Variants in PLCG1 observed in about 807,000 individuals in gnomAD.
The protein encoded by PLCG1 is phospholipase C gamma 1.
A neutral mutation model predicts 177.8 loss-of-function variants in PLCG1; 71 were observed. The observed-to-expected ratio is 0.40, with a 90% confidence interval of 0.33 to 0.49. The LOEUF (loss-of-function observed/expected upper bound fraction) is 0.49. Ranked by LOEUF, PLCG1 falls within the 20% of genes least tolerant of loss-of-function variation. The pLI is 0.72. For missense variants in PLCG1, 1,281 were observed against 1,709.0 expected (o/e 0.75, Z 4.42); for synonymous variants, 658 against 647.9 (o/e 1.02, Z -0.24).
rs2035981905 is a variant in PLCG1 at position 41,173,923 on chromosome 20, G to T, written c.3557G>T (p.Gly1186Val). The T allele has an allele frequency of 6.2e-7, 1 of 1,613,918 alleles. No homozygotes were observed. Among genetic ancestry groups the T allele is most frequent in the Non-Finnish European group, 8.5e-7 (1 of 1,179,796 alleles). ...AGGGCCAGGCTTTTCCTCCTCCTAG[G>T]ATACAGAGCAGTGCCTTTGAAGAAC... ...ATFPVKGLKT[G>V]YRAVPLKNNY... The change falls in exon 30 of 32, where the codon GGA becomes GTA. Residue 1186 changes from glycine (G) to valine (V), a missense_variant and splice_region_variant. Gly to Val is a moderately radical substitution (Grantham distance 109). Coordinates refer to ENST00000685551, the MANE Select transcript of PLCG1 (RefSeq NM_002660.3). This position sits in a 1 kb window ranked among gnomAD's most constrained non-coding sequence, Gnocchi z 6.2.
chr20:41,166,265 C>T lies in PLCG1; in HGVS notation c.1871C>T (p.Thr624Ile). ...GCTGGGACCCCCAAGTTCTTCTTGACAGACAACCTCGTCTTTGACTCCCTC... is the reference window on the plus strand; with the variant it reads ...GCTGGGACCCCCAAGTTCTTCTTGATAGACAACCTCGTCTTTGACTCCCTC... ...QDAGTPKFFL[T>I]DNLVFDSLYD... The change falls in exon 17 of 32, where the codon ACA becomes ATA. Residue 624 changes from threonine (T) to isoleucine (I), a missense_variant. Around this residue, in one of 4 missense-constraint regions of PLCG1, gnomAD observed 723 missense variants for 1,030.0 expected, o/e 0.70. Transcript: ENST00000685551. This position sits in a 1 kb window ranked among gnomAD's most constrained non-coding sequence, Gnocchi z 8.6. 3.7e-6 allele frequency: 6 copies of T among 1,614,186 alleles called. No individual in the cohort carries two copies. Among genetic ancestry groups the T allele is most frequent in the Non-Finnish European group, 5.1e-6 (6 of 1,180,034 alleles).
Position 41,157,394 on chromosome 20 carries a change from CTGTCA to C in PLCG1, c.218-2210_218-2206del, listed in dbSNP as rs1174712877. Among the ~76,000 whole-genome samples the C allele has an allele frequency of 6.6e-6, 1 of 152,076 alleles. No homozygotes were observed. Among genetic ancestry groups the C allele is most frequent in the African/African-American group, 2.4e-5 (1 of 41,408 alleles). Reference sequence around the variant, plus strand: ...TTTCCCCTGATGGAAGCTCCTCCTTCTGTCATTGGAAGCCCTGTGTTCTCGGTTAG... The same window carrying C: ...TTTCCCCTGATGGAAGCTCCTCCTTCTTGGAAGCCCTGTGTTCTCGGTTAG... On this transcript the variant is annotated intron_variant, in intron 1 of 31. Coordinates refer to ENST00000685551, the MANE Select transcript of PLCG1 (RefSeq NM_002660.3). The surrounding 1 kb of genome is among the most constrained non-coding windows in gnomAD (Gnocchi z 5.4).
intron 1 of PLCG1, among the ~76,000 whole-genome samples, chr20:41,154,642 CAA>C (rs1354750599): frequency 2.0e-5 from 3 of 152,102 alleles, no homozygotes; most frequent in Non-Finnish European, 2.9e-5. Flanking sequence ...GAGCAAGAGT[CAA>C]AGACAGGAAG....
At chr20:41,158,304 T>C (rs2035385929) in intron 1 of PLCG1, among the ~76,000 whole-genome samples, 1 of 152,174 alleles carries the variant, frequency 6.6e-6, no homozygotes, top group Non-Finnish European at 1.5e-5. Context: ...ATGCTGGCAC[T>C]GCATCTGGCT....
Position 41,163,655 on chromosome 20 carries a change from A to G in PLCG1, c.892-60A>G, listed in dbSNP as rs1235571903. ...CTCTCTCTCCTACCCCCAACCTACCATCTTGGGTTGGACAGGGCAGGGACT... is the reference window on the plus strand; with the variant it reads ...CTCTCTCTCCTACCCCCAACCTACCGTCTTGGGTTGGACAGGGCAGGGACT... On this transcript the variant is annotated intron_variant, in intron 9 of 31. Coordinates refer to ENST00000685551, the MANE Select transcript of PLCG1 (RefSeq NM_002660.3). The surrounding 1 kb of genome is among the most constrained non-coding windows in gnomAD (Gnocchi z 5.2). 18 of 1,253,602 alleles carry G rather than the reference A, an allele frequency of 1.4e-5. No individual in the cohort carries two copies. The highest frequency in any genetic ancestry group is 5.9e-6 in the Non-Finnish European group (5 of 852,902). The allele number at this position is 1,253,602 out of a possible 1,614,324, so 77.7% of individuals were successfully genotyped here.
At position 41,165,926 on chromosome 20, in the gene PLCG1, GACA is replaced by G. The variant is rs1289934029; in HGVS notation, c.1799+102_1799+104del. On this transcript the variant is annotated intron_variant, in intron 16 of 31. Transcript: ENST00000685551. The surrounding 1 kb of genome is among the most constrained non-coding windows in gnomAD (Gnocchi z 6.6). ...GTTAACATTTGAGCCTTTGATCCAG[GACA>G]ATAATTAGGCTTTACATGGAACATA... 36 of 1,030,914 alleles carry G rather than the reference GACA, an allele frequency of 3.5e-5. No homozygotes were observed. The South Asian group carries it at 5.5e-4, about 16-fold the overall frequency. The allele number at this position is 1,030,914 out of a possible 1,614,324, so 63.9% of individuals were successfully genotyped here.
chr20:41,169,941 T>C (rs16989589), intron 23 of PLCG1, among the ~76,000 whole-genome samples, 171 bp from the exon 24 acceptor site: 2,768 of 152,250 alleles, frequency 0.018, 53 homozygotes, highest in African/African-American at 0.053. Context: ...GTTTGAGTTG[T>C]AGCGTCGTCA....
Position 41,174,018 on chromosome 20 carries a change from G to A in PLCG1, c.3645+7G>A, listed in dbSNP as rs755341952. On this transcript the variant is annotated splice_region_variant and intron_variant, in intron 30 of 31. Coordinates refer to ENST00000685551, the MANE Select transcript of PLCG1 (RefSeq NM_002660.3). The surrounding 1 kb of genome is among the most constrained non-coding windows in gnomAD (Gnocchi z 5.8). ...TGACATTTTCCCTGCCAAGGTATCT[G>A]CAGCAGGGGTGGGCTGGCCTGGGGT... 2 of 1,612,586 alleles carry A rather than the reference G, an allele frequency of 1.2e-6. No homozygotes were observed. The highest frequency in any genetic ancestry group is 1.7e-6 in the Non-Finnish European group (2 of 1,178,746).
At position 41,173,932 on chromosome 20, in the gene PLCG1, C is replaced by T; in HGVS notation, c.3566C>T (p.Ala1189Val). 2 of 1,613,922 alleles carry T rather than the reference C, an allele frequency of 1.2e-6. No individual in the cohort carries two copies. Among genetic ancestry groups the T allele is most frequent in the Non-Finnish European group, 1.7e-6 (2 of 1,179,772 alleles). Residue 1189 changes from alanine (A) to valine (V), a missense_variant, in exon 30 of 32, where the codon GCA becomes GTA. By Grantham distance (64) the Ala-to-Val change is moderately conservative. Transcript: ENST00000685551. The surrounding 1 kb of genome is among the most constrained non-coding windows in gnomAD (Gnocchi z 6.2). The part of the protein sequence containing the change: ...PVKGLKTGYR[A>V]VPLKNNYSED... ...CTTTTCCTCCTCCTAGGATACAGAGCAGTGCCTTTGAAGAACAACTACAGT... is the reference window on the plus strand; with the variant it reads ...CTTTTCCTCCTCCTAGGATACAGAGTAGTGCCTTTGAAGAACAACTACAGT...
intron 1 of PLCG1, among the ~76,000 whole-genome samples, chr20:41,145,666 G>T (rs1023750875): frequency 2.0e-5 from 3 of 152,152 alleles, no homozygotes; most frequent in African/African-American, 7.2e-5. Flanking sequence ...GAATATGGGT[G>T]CCTAGAGACT....
intron 1 of PLCG1, among the ~76,000 whole-genome samples, chr20:41,142,185 T>A (rs1406485177): frequency 6.6e-6 from 1 of 152,202 alleles, no homozygotes; most frequent in African/African-American, 2.4e-5. Flanking sequence ...CAGGAAGGCA[T>A]TAAAGGAGAG....
intron 1 of PLCG1, among the ~76,000 whole-genome samples, chr20:41,155,143 CT>C (rs755810262): frequency 2.6e-5 from 4 of 152,232 alleles, no homozygotes; most frequent in Non-Finnish European, 5.9e-5. Flanking sequence ...GTCATATAAC[CT>C]TTTATTTTAC....
rs182383786 is a variant in PLCG1 at position 41,150,761 on chromosome 20, A to G, written c.218-8845A>G. 4.7e-4 allele frequency among the ~76,000 whole-genome samples: 72 copies of G among 152,196 alleles called. No homozygotes were observed. Among genetic ancestry groups the G allele is most frequent in the African/African-American group, 1.7e-3 (70 of 41,504 alleles). ...TGGTTTCCATGAACCCCTCTGCCCA[A>G]TGTGTGCTTGTCAGCCCTCCAGACC... On this transcript the variant is annotated intron_variant, in intron 1 of 31. Coordinates refer to ENST00000685551, the MANE Select transcript of PLCG1 (RefSeq NM_002660.3). This position sits in a 1 kb window ranked among gnomAD's most constrained non-coding sequence, Gnocchi z 4.0.
In PLCG1 at chr20:41,174,331, G is replaced by A. The variant is rs769633058; in HGVS notation, c.3833+20G>A. 4 of 1,610,028 alleles carry A rather than the reference G, an allele frequency of 2.5e-6. No individual in the cohort carries two copies. The highest frequency in any genetic ancestry group is 1.7e-6 in the Non-Finnish European group (2 of 1,176,440). On this transcript the variant is annotated intron_variant, in intron 31 of 31. Transcript: ENST00000685551. This position sits in a 1 kb window ranked among gnomAD's most constrained non-coding sequence, Gnocchi z 5.8. ...ACGAAGGTGAGGAAGATGGAGGGGT[G>A]CTAGAGCCAGGAAGGCAGTGGCTAG... is the stretch of plus-strand genomic sequence containing the variant.
At position 41,165,343 on chromosome 20, in the gene PLCG1, C is replaced by G. The variant is rs375923457; in HGVS notation, c.1485C>G (p.Leu495=). ...DISNSIKNGI[L]YLEDPVNHEW... ...GCAACTCTATCAAGAATGGCATCCTCTACCTGGAGGACCCTGTGAACCACG... is the reference window on the plus strand; with the variant it reads ...GCAACTCTATCAAGAATGGCATCCTGTACCTGGAGGACCCTGTGAACCACG... The change falls in exon 14 of 32, where the codon CTC becomes CTG. Residue 495 remains leucine (L), a synonymous_variant. Coordinates refer to ENST00000685551, the MANE Select transcript of PLCG1 (RefSeq NM_002660.3). This position sits in a 1 kb window ranked among gnomAD's most constrained non-coding sequence, Gnocchi z 6.6. 3.6e-5 allele frequency: 58 copies of G among 1,614,206 alleles called. No homozygotes were observed. In the South Asian group the frequency reaches 5.8e-4, roughly 16 times the overall value.
Position 41,172,394 on chromosome 20 carries a change from TGTAA to T in PLCG1, c.2906-24_2906-21del, listed in dbSNP as rs750214779. ...CAACACTTCCTGGGTGGGCGGGCTC[TGTAA>T]GTGTTTTCCCTGTTTGGCCCAGAGA... On this transcript the variant is annotated intron_variant, in intron 25 of 31. Transcript: ENST00000685551. This position sits in a 1 kb window ranked among gnomAD's most constrained non-coding sequence, Gnocchi z 7.0. 11 of 1,605,468 alleles carry T rather than the reference TGTAA, an allele frequency of 6.9e-6. No individual in the cohort carries two copies. The highest frequency in any genetic ancestry group is 9.4e-6 in the Non-Finnish European group (11 of 1,172,164).
intron 4 of PLCG1, among the ~76,000 whole-genome samples, chr20:41,161,175 C>G (rs1403236020): frequency 6.6e-6 from 1 of 152,074 alleles, no homozygotes; most frequent in Non-Finnish European, 1.5e-5. Flanking sequence ...TTGGAGGGGT[C>G]AGGGACAACT....
At position 41,174,175 on chromosome 20, in the gene PLCG1, G is replaced by A. The variant is rs1298615720; in HGVS notation, c.3697G>A (p.Gly1233Ser). ...CAGTGGTACGTCCCTGCGGGAGCGG[G>A]GCTCAGATGCCTCAGGCCAGCTGTT... is the stretch of plus-strand genomic sequence containing the variant. The part of the protein sequence containing the change: ...PFSGTSLRER[G>S]SDASGQLFHG... The change falls in exon 31 of 32, where the codon GGC becomes AGC. Residue 1233 changes from glycine to serine, a missense_variant. Physicochemically the swap from Gly to Ser is moderately conservative, Grantham distance 56. This residue lies in a region of PLCG1 where 153 missense variants were observed against 153.2 expected (regional missense o/e 1.00). Transcript: ENST00000685551. The surrounding 1 kb of genome is among the most constrained non-coding windows in gnomAD (Gnocchi z 5.8). 2 of 1,614,006 alleles carry A rather than the reference G, an allele frequency of 1.2e-6. No homozygotes were observed. Among genetic ancestry groups the A allele is most frequent in the African/African-American group, 2.7e-5 (2 of 74,922 alleles).
chr20:41,169,421 G>A (rs751430281), intron 22 of PLCG1, 36 bp from the exon 23 acceptor site: 12 of 1,514,114 alleles, frequency 7.9e-6, no homozygotes, highest in Non-Finnish European at 5.5e-6. Context: ...ATATGCAGTA[G>A]CCATGCTGAC....
Sources: gnomAD v4.1 joint callset for allele counts (sites outside exome capture counted in the v4.1 genomes callset) on GRCh38, gnomAD v4.1.1 for gene constraint, gnomAD v4.1.1 regional missense constraint, Gnocchi (gnomAD v3.1) non-coding constraint, MANE v1.5 for transcripts, NCBI Gene and HGNC (gene_info 2026-07-23, HGNC 2026-07-21) for gene names.